ZNF469: variants seen among roughly 807,000 people sequenced by gnomAD.
ZNF469 encodes the protein zinc finger protein 469.
A neutral mutation model predicts 1.0 loss-of-function variants in ZNF469; 1 was observed. The ratio of observed to expected loss-of-function variants is 1.00; its 90% confidence interval spans 0.35 to 4.73. The LOEUF is 4.73. Ranked by LOEUF, ZNF469 falls within the 30% of genes most tolerant of loss-of-function variation. The probability of loss-of-function intolerance (pLI) is 0.16; values close to 1 mark genes in which losing one functional copy is unlikely to be tolerated. For synonymous variants in ZNF469, 2,703 were observed against 2,363.4 expected (o/e 1.14, Z -4.17); for missense variants, 6,100 against 5,356.3 (o/e 1.14, Z -4.33).
At chr16:88,247,345 T>C in the ZNF469 span, among the ~76,000 whole-genome samples, 92,531 of 147,496 alleles carry the variant, frequency 0.63, 30,464 homozygotes, top group African/African-American at 0.85. Context: ...AGTGAATGAG[T>C]GAGTGAATGA....
Position 88,438,209 on chromosome 16 carries a change from A to G in ZNF469, c.10739A>G (p.Asn3580Ser). 2 of 1,547,088 alleles carry G rather than the reference A, an allele frequency of 1.3e-6. No homozygotes were observed. Among genetic ancestry groups the G allele is most frequent in the South Asian group, 1.2e-5 (1 of 83,966 alleles). ...ALDGALERPE[N>S]EASPGSPGPL... ...GACGGAGCCCTGGAGAGGCCAGAGA[A>G]CGAGGCTTCCCCAGGCAGCCCCGGG... Residue 3580 changes from asparagine to serine, a missense_variant, in exon 3 of 3, where the codon AAC (asparagine) becomes AGC (serine). Asn to Ser is a conservative substitution (Grantham distance 46). Transcript: ENST00000565624.
At chr16:88,104,511 C>G in the ZNF469 span, among the ~76,000 whole-genome samples, 1 of 152,220 alleles carries the variant, frequency 6.6e-6, no homozygotes, top group Non-Finnish European at 1.5e-5. Context: ...TCGCTGACCC[C>G]GCCAGCCACA....
rs1373844951 is a variant in ZNF469 at position 88,429,562 on chromosome 16, G to T, written c.2092G>T (p.Gly698Cys). The T allele has an allele frequency of 1.3e-6, 2 of 1,549,984 alleles. No homozygotes were observed. Residue 698 changes from glycine to cysteine, a missense_variant, in exon 3 of 3, where the codon GGT becomes TGT. Coordinates refer to ENST00000565624, the MANE Select transcript of ZNF469 (RefSeq NM_001367624.2). ...ATTCCCCCACGAGGGCCCCGAGGTG[G>T]GTCGGGGAGGGCTGCAGGGCTTCCC... The part of the protein sequence containing the change: ...TPFPHEGPEV[G>C]RGGLQGFPRA...
chr16:88,416,849 A>T (rs567285737), intron 1 of ZNF469, among the ~76,000 whole-genome samples: 12 of 152,020 alleles, frequency 7.9e-5, no homozygotes. Context: ...GCTCCCCGGG[A>T]GGGGTACCCA....
At chr16:88,266,164 C>T in the ZNF469 span, among the ~76,000 whole-genome samples, 6 of 152,238 alleles carry the variant, frequency 3.9e-5, no homozygotes, top group Admixed American at 3.9e-4. Flanking sequence ...GGCTGGCTGG[C>T]CACTGTGAGG....
chr16:88,412,827 T>G (rs932882393), intron 1 of ZNF469, among the ~76,000 whole-genome samples: 6 of 152,166 alleles, frequency 3.9e-5, no homozygotes, highest in Non-Finnish European at 8.8e-5. Flanking sequence ...TTACATGAAT[T>G]CTTGCCAAAG....
At chr16:88,323,712 C>T in the ZNF469 span, among the ~76,000 whole-genome samples, 1 of 152,264 alleles carries the variant, frequency 6.6e-6, no homozygotes, top group South Asian at 2.1e-4. Flanking sequence ...CAGGGGGACT[C>T]CCACACCCAG....
At position 88,432,345 on chromosome 16, in the gene ZNF469, T is replaced by C. The variant is rs1180243941; in HGVS notation, c.4875T>C (p.Ala1625=). 1 of 1,548,558 alleles carries C rather than the reference T, an allele frequency of 6.5e-7. No homozygotes were observed. The highest frequency in any genetic ancestry group is 8.7e-7 in the Non-Finnish European group (1 of 1,146,844). The part of the protein sequence containing the change: ...TVPHEDTFSA[A]DLTRVGESTA... ...CCCACGAGGACACGTTCTCGGCAGC[T>C]GACCTCACGCGCGTTGGAGAATCCA... The change falls in exon 3 of 3, where the codon GCT becomes GCC. Residue 1625 remains alanine (A), a synonymous_variant. Coordinates refer to ENST00000565624, the MANE Select transcript of ZNF469 (RefSeq NM_001367624.2).
In ZNF469 at chr16:88,411,471, TGCAAGCAGGCAGGGGTGCGAGCGG is replaced by T. The variant is rs1905161037; in HGVS notation, c.-191-13332_-191-13309del. 5.8e-3 allele frequency among the ~76,000 whole-genome samples: 22 copies of T among 3,780 alleles called. 1 individual carries two copies. The South Asian group carries it at 0.26, about 45-fold the overall frequency. 2.5% of individuals were successfully genotyped at this position (3,780 alleles called of 152,430 possible). On this transcript the variant is annotated intron_variant, in intron 1 of 2. Coordinates refer to ENST00000565624, the MANE Select transcript of ZNF469 (RefSeq NM_001367624.2). ...AGGCAGGGGTGCGAGTGGGCAGGGG[TGCAAGCAGGCAGGGGTGCGAGCGG>T]GCAGGGGTGCAAGCAGGCAGGGGTG...
At position 88,434,559 on chromosome 16, in the gene ZNF469, C is replaced by T. The variant is rs779456576; in HGVS notation, c.7089C>T (p.Pro2363=). 16 of 1,550,220 alleles carry T rather than the reference C, an allele frequency of 1.0e-5. No individual in the cohort carries two copies. Among genetic ancestry groups the T allele is most frequent in the Non-Finnish European group, 1.4e-5 (16 of 1,146,944 alleles). Reference sequence around the variant, plus strand: ...TACAGGGTGCAGGGCCGGACTCCCCCGCCTGCCTGGAAGGTGAGATGGGGA... The same window carrying T: ...TACAGGGTGCAGGGCCGGACTCCCCTGCCTGCCTGGAAGGTGAGATGGGGA... ...PTLQGAGPDS[P]ACLEGEMGTS... Residue 2363 remains proline (P), a synonymous_variant, in exon 3 of 3, where the codon CCC becomes CCT. Coordinates refer to ENST00000565624, the MANE Select transcript of ZNF469 (RefSeq NM_001367624.2).
At chr16:88,254,001 A>G in the ZNF469 span, among the ~76,000 whole-genome samples, 1 of 152,142 alleles carries the variant, frequency 6.6e-6, no homozygotes, top group African/African-American at 2.4e-5. Flanking sequence ...TTTAATGAGC[A>G]GAAATTATCA....
chr16:88,269,206 C>T, the ZNF469 span, among the ~76,000 whole-genome samples: 5 of 152,298 alleles, frequency 3.3e-5, no homozygotes, highest in South Asian at 4.1e-4. Context: ...CCACTTTCCA[C>T]GGCCGGCTGG....
At chr16:88,338,628 A>G in the ZNF469 span, among the ~76,000 whole-genome samples, 1 of 152,158 alleles carries the variant, frequency 6.6e-6, no homozygotes, top group South Asian at 2.1e-4. Flanking sequence ...ACCCATGTCC[A>G]CCCACAACCT....
At chr16:88,405,958 G>C (rs1201197642) in intron 1 of ZNF469, among the ~76,000 whole-genome samples, 6 of 152,258 alleles carry the variant, frequency 3.9e-5, no homozygotes, top group Non-Finnish European at 2.9e-5. Context: ...CTTGGCAGCT[G>C]GTGAGCGCTA....
intron 1 of ZNF469, among the ~76,000 whole-genome samples, chr16:88,410,319 A>G (rs188428967): frequency 6.6e-6 from 1 of 151,296 alleles, no homozygotes; most frequent in Non-Finnish European, 1.5e-5. Flanking sequence ...AGTGACATCT[A>G]TGGTGCATGG....
At chr16:88,205,789 G>T in the ZNF469 span, among the ~76,000 whole-genome samples, 3 of 152,214 alleles carry the variant, frequency 2.0e-5, no homozygotes, top group African/African-American at 7.2e-5. The surrounding 1 kb of genome is among the most constrained non-coding windows in gnomAD (Gnocchi z 4.2). Flanking sequence ...GCAGTCATGG[G>T]GGGTGAGTGA....
At position 88,430,648 on chromosome 16, in the gene ZNF469, A is replaced by AGGCGCCACC; in HGVS notation, c.3183_3191dup (p.His1062_Arg1064dup). The AGGCGCCACC allele has an allele frequency of 6.7e-7, 1 of 1,494,590 alleles. No individual in the cohort carries two copies. Among genetic ancestry groups the AGGCGCCACC allele is most frequent in the Non-Finnish European group, 8.9e-7 (1 of 1,127,672 alleles). 92.6% of individuals were successfully genotyped at this position (1,494,590 alleles called of 1,614,324 possible). On this transcript the variant is annotated inframe_insertion, in exon 3 of 3. Transcript: ENST00000565624. ...TCTGAAGATCGTGCAGCAGAAGAAC[A>AGGCGCCACC]GGCGCCACCGGCGGCTGGGGCGGCG...
the ZNF469 span, among the ~76,000 whole-genome samples, chr16:88,342,112 G>A: frequency 1.3e-5 from 2 of 152,088 alleles, no homozygotes; most frequent in African/African-American, 2.4e-5. Flanking sequence ...CGGTGGGAGA[G>A]GCCGGGCAGG....
chr16:88,139,173 A>G, the ZNF469 span, among the ~76,000 whole-genome samples: 4 of 95,650 alleles, frequency 4.2e-5, no homozygotes, highest in African/African-American at 1.0e-4. Flanking sequence ...ACTGCTCTGC[A>G]TCCCACATGC....
Sources: allele counts gnomAD v4.1 joint callset (sites outside exome capture counted in the v4.1 genomes callset), GRCh38; gene constraint gnomAD v4.1.1; non-coding constraint Gnocchi (gnomAD v3.1); transcripts MANE v1.5; gene names NCBI Gene and HGNC (gene_info 2026-07-23, HGNC 2026-07-21).